The following MAGI2 variants were observed in gnomAD, a reference collection of about 807,000 sequenced individuals.
MAGI2 encodes membrane-associated guanylate kinase, WW and PDZ domain-containing protein 2.
Under a neutral mutation model 133.3 loss-of-function variants are expected in MAGI2, and 35 were observed. That is an observed-to-expected ratio of 0.26 (90% CI 0.20 to 0.35). MAGI2 has a LOEUF of 0.35. Among genes scored for constraint, MAGI2 ranks in the 10% least tolerant of loss-of-function variants. MAGI2 has a pLI of 1.00. For missense variants in MAGI2, 1,636 were observed against 1,863.4 expected (o/e 0.88, Z 2.25); for synonymous variants, 729 against 710.6 (o/e 1.03, Z -0.41).
At chr7:79,436,102 T>C (rs2129191465) in intron 1 of MAGI2, among the ~76,000 whole-genome samples, 1 of 151,746 alleles carries the variant, frequency 6.6e-6, no homozygotes, top group East Asian at 2.0e-4. Flanking sequence ...TATATTATCA[T>C]ATACAAATAT....
intron 4 of MAGI2, among the ~76,000 whole-genome samples, chr7:78,520,205 G>T (rs763277858): frequency 1.3e-5 from 2 of 152,020 alleles, no homozygotes; most frequent in African/African-American, 4.8e-5. Context: ...AGCACCTTAG[G>T]TTTTATACCT....
chr7:79,060,675 C>G (rs960438393), intron 1 of MAGI2, among the ~76,000 whole-genome samples: 1 of 152,088 alleles, frequency 6.6e-6, no homozygotes, highest in Admixed American at 6.6e-5. Context: ...ACATCTGACT[C>G]TGGGTAATGA....
At chr7:79,098,286 T>A (rs1167240048) in intron 1 of MAGI2, among the ~76,000 whole-genome samples, 1 of 152,190 alleles carries the variant, frequency 6.6e-6, no homozygotes, top group South Asian at 2.1e-4. Context: ...GGTATCTTAG[T>A]GGTAGCCCTA....
intron 12 of MAGI2, among the ~76,000 whole-genome samples, chr7:78,191,644 C>T (rs539330709): frequency 2.0e-5 from 3 of 152,302 alleles, no homozygotes; most frequent in East Asian, 3.9e-4. Context: ...AAATCAGAGG[C>T]GCTGCCAGCC....
intron 2 of MAGI2, among the ~76,000 whole-genome samples, chr7:78,831,965 G>C (rs185173534): frequency 1.7e-3 from 263 of 152,196 alleles, no homozygotes; most frequent in African/African-American, 6.2e-3. Flanking sequence ...CATTTGAATT[G>C]GTGACATTTT....
chr7:78,784,725 A>T (rs1016406181), intron 2 of MAGI2, among the ~76,000 whole-genome samples: 19 of 152,216 alleles, frequency 1.2e-4, no homozygotes, highest in African/African-American at 4.6e-4. Flanking sequence ...TCTATTCTTC[A>T]TGAAGACTAA....
intron 20 of MAGI2, among the ~76,000 whole-genome samples, chr7:78,117,750 T>C (rs894491580): frequency 6.6e-6 from 1 of 152,230 alleles, no homozygotes; most frequent in African/African-American, 2.4e-5. Context: ...GTGATTTTTA[T>C]GCAGAAAATC....
At chr7:78,927,042 T>G (rs1267119534) in intron 2 of MAGI2, among the ~76,000 whole-genome samples, 2 of 152,034 alleles carry the variant, frequency 1.3e-5, no homozygotes, top group African/African-American at 4.8e-5. Context: ...AAAGGTTGTA[T>G]GGCCATGGAC....
intron 4 of MAGI2, among the ~76,000 whole-genome samples, chr7:78,508,043 A>G (rs1795242651): frequency 6.6e-6 from 1 of 152,188 alleles, no homozygotes; most frequent in Admixed American, 6.5e-5. Flanking sequence ...AGGTTCTGGT[A>G]GCTTTTTGAC....
intron 6 of MAGI2, among the ~76,000 whole-genome samples, chr7:78,411,540 T>C (rs1403324860): frequency 1.3e-5 from 2 of 152,018 alleles, no homozygotes; most frequent in African/African-American, 2.4e-5. Context: ...ATTCACTCTG[T>C]CATAAGCTCA....
At chr7:78,102,106 G>A (rs765084861) in intron 20 of MAGI2, among the ~76,000 whole-genome samples, 1 of 152,070 alleles carries the variant, frequency 6.6e-6, no homozygotes, top group Non-Finnish European at 1.5e-5. Context: ...GCCAGACACA[G>A]AAAGACAAAT....
intron 4 of MAGI2, among the ~76,000 whole-genome samples, chr7:78,507,012 T>C (rs570547660): frequency 1.3e-5 from 2 of 152,346 alleles, no homozygotes; most frequent in East Asian, 3.9e-4. Context: ...TTTATCTGTT[T>C]ATTCATTCAT....
At chr7:78,308,042 CT>C (rs1305231569) in intron 9 of MAGI2, among the ~76,000 whole-genome samples, 1 of 152,158 alleles carries the variant, frequency 6.6e-6, no homozygotes, top group Admixed American at 6.5e-5. Flanking sequence ...AATCAATTTG[CT>C]GAATCAAAGA....
At chr7:78,117,276 T>C (rs1819962202) in intron 20 of MAGI2, among the ~76,000 whole-genome samples, 3 of 151,902 alleles carry the variant, frequency 2.0e-5, no homozygotes, top group Admixed American at 1.3e-4. Flanking sequence ...GATATAAAAA[T>C]CTTAAAGGAA....
intron 9 of MAGI2, among the ~76,000 whole-genome samples, chr7:78,335,676 C>CA (rs1358787200): frequency 1.3e-5 from 2 of 151,712 alleles, no homozygotes; most frequent in East Asian, 1.9e-4. Flanking sequence ...GGTTGGAAGA[C>CA]AAAAAAATGA....
At chr7:78,462,222 A>AT (rs1448068300) in intron 6 of MAGI2, among the ~76,000 whole-genome samples, 1 of 152,250 alleles carries the variant, frequency 6.6e-6, no homozygotes, top group Middle Eastern at 3.4e-3. Context: ...CCCACTACTC[A>AT]TTTTTTGTTA....
chr7:78,213,151 C>T (rs2150810027), intron 10 of MAGI2, among the ~76,000 whole-genome samples: 1 of 148,146 alleles, frequency 6.8e-6, no homozygotes, highest in Admixed American at 6.9e-5. Flanking sequence ...TTCATCAATT[C>T]TTCCTGGACT....
At chr7:79,278,245 C>G (rs1835379232) in intron 1 of MAGI2, among the ~76,000 whole-genome samples, 1 of 152,160 alleles carries the variant, frequency 6.6e-6, no homozygotes, top group African/African-American at 2.4e-5. Flanking sequence ...TGGGCCTGCT[C>G]CTCCTTCACC....
At chr7:78,290,008 T>C (rs1796536969) in intron 9 of MAGI2, among the ~76,000 whole-genome samples, 1 of 152,042 alleles carries the variant, frequency 6.6e-6, no homozygotes, top group African/African-American at 2.4e-5. Context: ...AAGATGGAAA[T>C]TGTAAAGACC....
Sources: allele counts gnomAD v4.1 joint callset (sites outside exome capture counted in the v4.1 genomes callset), GRCh38; gene constraint gnomAD v4.1.1; transcripts MANE v1.5; gene names NCBI Gene and HGNC (gene_info 2026-07-23, HGNC 2026-07-21).